Variants in CTNNA3 observed in about 807,000 individuals in gnomAD.
The protein encoded by CTNNA3 is catenin alpha-3.
In CTNNA3, 76 loss-of-function variants were observed where a neutral mutation model predicts 95.7. That is an observed-to-expected ratio of 0.79 (90% CI 0.66 to 0.96). The LOEUF is 0.96. Ranked by LOEUF, CTNNA3 falls within the 40% of genes least tolerant of loss-of-function variation. CTNNA3 has a pLI of 0.00. For missense variants in CTNNA3, 1,191 were observed against 1,089.8 expected, an observed-to-expected ratio of 1.09 and a Z score of -1.31; for synonymous variants, 431 against 374.4, an observed-to-expected ratio of 1.15 and a Z score of -1.74.
intron 2 of CTNNA3, among the ~76,000 whole-genome samples, chr10:67,618,578 T>C (rs1417346701): frequency 1.3e-5 from 2 of 152,164 alleles, no homozygotes; most frequent in Admixed American, 1.3e-4. Context: ...TGTTCTCTTC[T>C]AACACAAAAC....
At chr10:66,241,792 T>C (rs956098474) in intron 13 of CTNNA3, among the ~76,000 whole-genome samples, 1 of 151,920 alleles carries the variant, frequency 6.6e-6, no homozygotes, top group Non-Finnish European at 1.5e-5. Flanking sequence ...AAAAAACCTA[T>C]GTAAAATCAA....
intron 5 of CTNNA3, among the ~76,000 whole-genome samples, chr10:67,392,774 G>A (rs1393386036): frequency 9.9e-5 from 15 of 152,008 alleles, no homozygotes; most frequent in Admixed American, 2.0e-4. Flanking sequence ...GATGAAATTG[G>A]AAATCATCAT....
intron 7 of CTNNA3, among the ~76,000 whole-genome samples, chr10:67,070,662 G>A (rs2147889): frequency 0.51 from 76,992 of 151,504 alleles, 19,888 homozygotes; most frequent in Middle Eastern, 0.64. Flanking sequence ...CAGGGGAATC[G>A]CTTGAACCCG....
At position 67,351,528 on chromosome 10, in the gene CTNNA3, A is replaced by T. The variant is rs188020873; in HGVS notation, c.580-131658T>A. Among the ~76,000 whole-genome samples, 287 of 152,162 alleles carry T rather than the reference A, an allele frequency of 1.9e-3. 1 individual carries two copies. Among genetic ancestry groups the T allele is most frequent in the East Asian group, 0.019 (96 of 5,174 alleles). ...ACAAAAAACCAAGCTATAATTTTTT[A>T]AAAATTATATACAAGGCATAAAACA... On this transcript the variant is annotated intron_variant, in intron 5 of 17. Transcript: ENST00000433211.
At chr10:67,190,570 T>C (rs1863074565) in intron 6 of CTNNA3, among the ~76,000 whole-genome samples, 1 of 151,978 alleles carries the variant, frequency 6.6e-6, no homozygotes, top group Admixed American at 6.6e-5. Context: ...AAAAGATAAT[T>C]ATGGACCAAA....
chr10:67,470,141 T>A (rs536818946), intron 5 of CTNNA3, among the ~76,000 whole-genome samples: 4 of 152,308 alleles, frequency 2.6e-5, no homozygotes, highest in African/African-American at 9.6e-5. Context: ...TTGCTCTCTA[T>A]CTTCATGAGT....
chr10:67,206,083 C>T (rs2394346), intron 6 of CTNNA3, among the ~76,000 whole-genome samples: 7,369 of 152,238 alleles, frequency 0.048, 221 homozygotes, highest in South Asian at 0.11. Flanking sequence ...AAGTTACAAA[C>T]TTGTCTTCTG....
intron 17 of CTNNA3, among the ~76,000 whole-genome samples, chr10:65,942,321 G>C (rs1346839768): frequency 6.6e-6 from 1 of 152,156 alleles, no homozygotes; most frequent in African/African-American, 2.4e-5. Flanking sequence ...GAAGTCAAGA[G>C]ATCGAGACCA....
chr10:66,810,356 C>T (rs1305921396), intron 7 of CTNNA3, among the ~76,000 whole-genome samples: 1 of 152,064 alleles, frequency 6.6e-6, no homozygotes, highest in African/African-American at 2.4e-5. Flanking sequence ...TCCCACATTC[C>T]CTAGCTTTCT....
In CTNNA3 at chr10:67,371,986, T is replaced by C. The variant is rs569427024; in HGVS notation, c.579+149856A>G. The stretch of plus-strand genomic sequence containing the variant: ...GCATTTGTCTGATGGCCAGTGATGA[T>C]GAGCATTTTTTCATCTGTCTGTTGG... On this transcript the variant is annotated intron_variant, in intron 5 of 17. Coordinates refer to ENST00000433211, the MANE Select transcript of CTNNA3 (RefSeq NM_013266.4). 1.4e-4 allele frequency among the ~76,000 whole-genome samples: 21 copies of C among 152,308 alleles called. No individual in the cohort carries two copies. The South Asian group carries it at 2.1e-3, about 15-fold the overall frequency.
chr10:67,327,752 T>C (rs139519130), intron 5 of CTNNA3, among the ~76,000 whole-genome samples: 11 of 152,286 alleles, frequency 7.2e-5, no homozygotes, highest in African/African-American at 1.2e-4. Flanking sequence ...TGTGGCATAG[T>C]GGGTGGCAGG....
At chr10:67,134,976 T>C (rs1589779289) in intron 7 of CTNNA3, among the ~76,000 whole-genome samples, 1 of 152,190 alleles carries the variant, frequency 6.6e-6, no homozygotes, top group East Asian at 1.9e-4. Flanking sequence ...GCAGACACCA[T>C]TCCATATGGT....
chr10:67,303,572 T>C (rs1840416021), intron 5 of CTNNA3, among the ~76,000 whole-genome samples: 1 of 152,210 alleles, frequency 6.6e-6, no homozygotes, highest in Non-Finnish European at 1.5e-5. Context: ...AAATTTAAAA[T>C]ATTTTGCAAT....
At chr10:66,505,118 A>G (rs1312582766) in intron 11 of CTNNA3, among the ~76,000 whole-genome samples, 2 of 152,134 alleles carry the variant, frequency 1.3e-5, no homozygotes, top group African/African-American at 4.8e-5. Flanking sequence ...TTTTCTAAAG[A>G]TCTAAGTCAT....
intron 16 of CTNNA3, among the ~76,000 whole-genome samples, chr10:65,976,648 C>T (rs1325456067): frequency 6.6e-6 from 1 of 152,090 alleles, no homozygotes; most frequent in East Asian, 1.9e-4. Flanking sequence ...GTTATTAAAG[C>T]CTTCTTTCCC....
At chr10:66,244,588 A>G (rs1371632174) in intron 13 of CTNNA3, among the ~76,000 whole-genome samples, 1 of 51,484 alleles carries the variant, frequency 1.9e-5, no homozygotes, top group Non-Finnish European at 4.8e-5. Context: ...AAAGAGAAAA[A>G]CAATCTGCCT....
At chr10:67,189,875 C>T (rs1052519043) in intron 6 of CTNNA3, among the ~76,000 whole-genome samples, 7 of 151,978 alleles carry the variant, frequency 4.6e-5, no homozygotes, top group Admixed American at 1.3e-4. Context: ...GACACTATGA[C>T]GGAATGATTA....
chr10:66,583,310 T>C (rs1843253929), intron 10 of CTNNA3, among the ~76,000 whole-genome samples: 1 of 151,078 alleles, frequency 6.6e-6, no homozygotes, highest in Non-Finnish European at 1.5e-5. Context: ...TTGTTGTTGT[T>C]GTTGTTGTTG....
At chr10:66,877,456 C>T (rs187925232) in intron 7 of CTNNA3, among the ~76,000 whole-genome samples, 5 of 152,284 alleles carry the variant, frequency 3.3e-5, no homozygotes, top group Admixed American at 2.6e-4. Flanking sequence ...CTGGCTCCAG[C>T]GTCTCTTTCA....
Sources: gnomAD v4.1 joint callset for allele counts (sites outside exome capture counted in the v4.1 genomes callset) on GRCh38, gnomAD v4.1.1 for gene constraint, MANE v1.5 for transcripts, NCBI Gene and HGNC (gene_info 2026-07-23, HGNC 2026-07-21) for gene names.